The following SCD5 variants were observed in gnomAD, a reference collection of about 807,000 sequenced individuals.
The protein encoded by SCD5 is stearoyl-CoA desaturase 5, also known as acyl-CoA-desaturase 4.
In SCD5, 20 loss-of-function variants were observed where a neutral mutation model predicts 30.4. The ratio of observed to expected loss-of-function variants is 0.66; its 90% CI spans 0.46 to 0.96. The LOEUF (loss-of-function observed/expected upper bound fraction) is 0.96. Among genes scored for constraint, SCD5 ranks in the 40% least tolerant of loss-of-function variants. SCD5 has a pLI of 0.00. For missense variants in SCD5, 381 were observed against 443.3 expected (o/e 0.86, Z 1.26); for synonymous variants, 173 against 176.4 (o/e 0.98, Z 0.16).
chr4:82,634,974 C>T (rs556908640), intron 4 of SCD5, among the ~76,000 whole-genome samples: 1 of 152,340 alleles, frequency 6.6e-6, no homozygotes, highest in East Asian at 1.9e-4. Flanking sequence ...TTGCTGCCAT[C>T]AGTGCAAGTT....
intron 1 of SCD5, among the ~76,000 whole-genome samples, chr4:82,777,014 C>T (rs563136652): frequency 1.3e-5 from 2 of 152,320 alleles, no homozygotes; most frequent in South Asian, 2.1e-4. Flanking sequence ...CTACATGCTG[C>T]GCCCATGCTC....
At chr4:82,735,300 T>A (rs1362690833) in intron 1 of SCD5, among the ~76,000 whole-genome samples, 1 of 152,158 alleles carries the variant, frequency 6.6e-6, no homozygotes, top group Non-Finnish European at 1.5e-5. Flanking sequence ...GATTGGCGTG[T>A]CTACACGGTC....
intron 1 of SCD5, among the ~76,000 whole-genome samples, chr4:82,761,891 G>A (rs1721378835): frequency 6.6e-6 from 1 of 151,956 alleles, no homozygotes; most frequent in African/African-American, 2.4e-5. Flanking sequence ...TACACTCCAT[G>A]GCCGGGCGTA....
chr4:82,761,834 C>T (rs1279860629), intron 1 of SCD5, among the ~76,000 whole-genome samples: 1 of 151,928 alleles, frequency 6.6e-6, no homozygotes, highest in African/African-American at 2.4e-5. Flanking sequence ...TAGCCCCAGC[C>T]TCGTTTCTAA....
At chr4:82,703,223 T>C (rs111956968) in intron 2 of SCD5, among the ~76,000 whole-genome samples, 2 of 152,252 alleles carry the variant, frequency 1.3e-5, no homozygotes, top group Admixed American at 6.5e-5. Context: ...TGAAAAAGTA[T>C]GCATAGTTCA....
At chr4:82,756,186 T>G (rs1303315153) in intron 1 of SCD5, among the ~76,000 whole-genome samples, 1 of 152,246 alleles carries the variant, frequency 6.6e-6, no homozygotes, top group East Asian at 1.9e-4. Flanking sequence ...CATCAGTCAA[T>G]GGCACCATCA....
At chr4:82,742,413 A>G (rs994636163) in intron 1 of SCD5, among the ~76,000 whole-genome samples, 4 of 152,220 alleles carry the variant, frequency 2.6e-5, no homozygotes, top group African/African-American at 9.6e-5. Flanking sequence ...GAGAGACCCC[A>G]GCAGCAAGAA....
intron 3 of SCD5, among the ~76,000 whole-genome samples, chr4:82,672,132 A>G (rs1332185358): frequency 6.6e-6 from 1 of 152,172 alleles, no homozygotes; most frequent in Admixed American, 6.5e-5. Context: ...CTAAGCTTCC[A>G]TCTTAGGAAA....
chr4:82,676,198 G>T (rs1449020711), intron 3 of SCD5, among the ~76,000 whole-genome samples: 1 of 152,184 alleles, frequency 6.6e-6, no homozygotes, highest in African/African-American at 2.4e-5. Flanking sequence ...GGATGGTAGA[G>T]CAGAACGATA....
At chr4:82,662,282 G>A (rs989800796) in intron 3 of SCD5, among the ~76,000 whole-genome samples, 2 of 151,968 alleles carry the variant, frequency 1.3e-5, no homozygotes, top group East Asian at 1.9e-4. Flanking sequence ...CAGACTCCTG[G>A]CTTAAAGCAA....
chr4:82,653,866 A>G (rs1390512766), intron 3 of SCD5, among the ~76,000 whole-genome samples: 2 of 152,092 alleles, frequency 1.3e-5, no homozygotes, highest in Non-Finnish European at 2.9e-5. Context: ...TAGGTTTATA[A>G]AAGAAAGTCA....
rs140517596 is a variant in SCD5 at position 82,683,746 on chromosome 4, T to C, written c.364-2834A>G. ...TTTCCTCCATGCTGTTCTCATGATA[T>C]TGAGTGAGTTCTCACGAGATCTGAT... is the stretch of plus-strand genomic sequence containing the variant. On this transcript the variant is annotated intron_variant, in intron 2 of 4. Transcript: ENST00000319540. 3.2e-3 allele frequency among the ~76,000 whole-genome samples: 486 copies of C among 152,290 alleles called. 2 individuals are homozygous for C. Among genetic ancestry groups the C allele is most frequent in the African/African-American group, 0.011 (461 of 41,546 alleles).
chr4:82,639,005 G>A (rs112213233), intron 3 of SCD5, among the ~76,000 whole-genome samples: 3 of 152,346 alleles, frequency 2.0e-5, no homozygotes, highest in African/African-American at 7.2e-5. Flanking sequence ...TGGTGGGACA[G>A]AAATTCAAAT....
intron 3 of SCD5, chr4:82,659,785 G>C (rs891796209): frequency 6.6e-6 from 1 of 152,122 alleles, no homozygotes; most frequent in African/African-American, 2.4e-5. Context: ...ATGTGGTGTT[G>C]AGAAGAATGT....
chr4:82,726,333 C>T (rs1271124602), intron 1 of SCD5, among the ~76,000 whole-genome samples: 1 of 149,620 alleles, frequency 6.7e-6, no homozygotes, highest in Non-Finnish European at 1.5e-5. Flanking sequence ...AGGAGAATCG[C>T]TTGAACCCGG....
At chr4:82,736,795 T>C (rs1720761597) in intron 1 of SCD5, among the ~76,000 whole-genome samples, 1 of 151,968 alleles carries the variant, frequency 6.6e-6, no homozygotes, top group Admixed American at 6.6e-5. Flanking sequence ...CCTGAGTAGC[T>C]GGAACTACAG....
chr4:82,747,075 C>CCCCCCCCCCA (rs58970593), intron 1 of SCD5, among the ~76,000 whole-genome samples: 2 of 148,646 alleles, frequency 1.3e-5, no homozygotes, highest in African/African-American at 2.5e-5. Context: ...ACCTGCCCCC[C>CCCCCCCCCCA]AAGAAAGACG....
chr4:82,785,795 G>A (rs1721972789), intron 1 of SCD5, among the ~76,000 whole-genome samples: 1 of 152,208 alleles, frequency 6.6e-6, no homozygotes, highest in Non-Finnish European at 1.5e-5. Flanking sequence ...GGGGGTGAGA[G>A]GTGGAAGGGG....
intron 1 of SCD5, among the ~76,000 whole-genome samples, chr4:82,720,847 G>C (rs1720354965): frequency 6.6e-6 from 1 of 152,126 alleles, no homozygotes; most frequent in Non-Finnish European, 1.5e-5. Context: ...CCTCAATTTG[G>C]AACATCTCCA....
Sources: gnomAD v4.1 joint callset for allele counts (sites outside exome capture counted in the v4.1 genomes callset) on GRCh38, gnomAD v4.1.1 for gene constraint, MANE v1.5 for transcripts, NCBI Gene and HGNC (gene_info 2026-07-23, HGNC 2026-07-21) for gene names.